The following ACSL5 variants were observed in gnomAD, a reference collection of about 807,000 sequenced individuals.
ACSL5 encodes acyl-CoA synthetase long chain family member 5, also known as long-chain-fatty-acid--CoA ligase 5.
In ACSL5, 50 loss-of-function variants were observed where a neutral mutation model predicts 84.9. The observed-to-expected ratio is 0.59, with a 90% CI of 0.47 to 0.75. The LOEUF is 0.75. Among genes scored for constraint, ACSL5 ranks in the 30% least tolerant of loss-of-function variants. ACSL5 has a pLI of 0.00. For missense variants in ACSL5, 775 were observed against 830.4 expected (o/e 0.93, Z 0.82); for synonymous variants, 280 against 300.7 (o/e 0.93, Z 0.71).
At chr10:112,386,342 C>T (rs566369404) in intron 1 of ACSL5, among the ~76,000 whole-genome samples, 1 of 151,688 alleles carries the variant, frequency 6.6e-6, no homozygotes, top group Non-Finnish European at 1.5e-5. Context: ...TATAAGCGCA[C>T]GCCACCATGC....
At chr10:112,397,375 G>T (rs1302542877) in intron 2 of ACSL5, among the ~76,000 whole-genome samples, 1 of 151,984 alleles carries the variant, frequency 6.6e-6, no homozygotes, top group Admixed American at 6.6e-5. Flanking sequence ...TCACCATGTT[G>T]GCCAGGTTGG....
intron 2 of ACSL5, 74 bp from the exon 3 acceptor site, chr10:112,398,827 A>T: frequency 7.9e-7 from 1 of 1,272,770 alleles, no homozygotes; most frequent in Non-Finnish European, 1.1e-6. Flanking sequence ...TGGTCTCTTT[A>T]ATTCAATTCA....
intron 1 of ACSL5, among the ~76,000 whole-genome samples, chr10:112,387,703 G>A (rs1489470278): frequency 1.3e-5 from 2 of 152,156 alleles, no homozygotes; most frequent in African/African-American, 4.8e-5. Flanking sequence ...ATGGAAGAAT[G>A]TGTTAACTAA....
Position 112,426,333 on chromosome 10 carries a change from T to A in ACSL5, c.1813T>A (p.Ser605Thr). 2 of 1,614,078 alleles carry A rather than the reference T, an allele frequency of 1.2e-6. No individual in the cohort carries two copies. The highest frequency in any genetic ancestry group is 1.7e-6 in the Non-Finnish European group (2 of 1,180,000). The change falls in exon 19 of 21, where the codon TCC becomes ACC. Residue 605 changes from serine to threonine, a missense_variant. By Grantham distance (58) the Ser-to-Thr change is moderately conservative. Coordinates refer to ENST00000354655, the MANE Select transcript of ACSL5 (RefSeq NM_203379.2). ...SFAAKLGVKGSFEELCQNQVV... is the reference protein window; with the variant it reads ...SFAAKLGVKGTFEELCQNQVV... ...TGCAGCCAAGCTTGGGGTGAAGGGC[T>A]CCTTTGAGGAACTGTGCCAAAACCA...
chr10:112,394,984 C>T lies in ACSL5; in HGVS notation c.38C>T (p.Pro13Leu), dbSNP rs762030671. The T allele has an allele frequency of 2.8e-5, 45 of 1,613,756 alleles. No homozygotes were observed. The highest frequency in any genetic ancestry group is 6.6e-5 in the South Asian group (6 of 91,068). ...TTTAACTTTTTGTTTTCCCCACTTC[C>T]GACCCCGGCGTTGATCTGCATCCTG... is the stretch of plus-strand genomic sequence containing the variant. ...FIFNFLFSPLPTPALICILTF... is the reference protein window; with the variant it reads ...FIFNFLFSPLLTPALICILTF... The change falls in exon 2 of 21, where the codon CCG (proline) becomes CTG (leucine). Residue 13 changes from proline to leucine, a missense_variant. Pro to Leu is a moderately conservative substitution (Grantham distance 98, BLOSUM62 -3). Coordinates refer to ENST00000354655, the MANE Select transcript of ACSL5 (RefSeq NM_203379.2).
chr10:112,404,416 C>T, intron 3 of ACSL5, 95 bp from the exon 4 acceptor site: 1 of 892,124 alleles, frequency 1.1e-6, no homozygotes, highest in Admixed American at 2.2e-5. Context: ...TTGGACTTAC[C>T]CTTTGTGTCT....
intron 5 of ACSL5, among the ~76,000 whole-genome samples, chr10:112,407,786 T>C (rs966904444): frequency 6.6e-6 from 1 of 152,096 alleles, no homozygotes; most frequent in Non-Finnish European, 1.5e-5. Context: ...TTTCATCAGT[T>C]TCCCACAAGC....
At chr10:112,374,399 A>T (rs41306862) in intron 1 of ACSL5, 130 bp downstream of exon 1, 1 of 152,212 alleles carries the variant, frequency 6.6e-6, no homozygotes, top group Non-Finnish European at 1.5e-5. Flanking sequence ...ATGAAATTAC[A>T]TTTAGTTGAA....
At chr10:112,388,825 G>A (rs1029305927) in intron 1 of ACSL5, among the ~76,000 whole-genome samples, 12 of 152,186 alleles carry the variant, frequency 7.9e-5, no homozygotes, top group African/African-American at 2.9e-4. Flanking sequence ...AGTGACATTT[G>A]AGGTGAGGCC....
At chr10:112,401,818 TTC>T (rs769908913) in intron 3 of ACSL5, among the ~76,000 whole-genome samples, 51 of 108,130 alleles carry the variant, frequency 4.7e-4, no homozygotes, top group Non-Finnish European at 8.6e-4. Flanking sequence ...CTTTCTTTCT[TTC>T]TTTCTTTCTT....
At position 112,409,598 on chromosome 10, in the gene ACSL5, G is replaced by T. The variant is rs757500602; in HGVS notation, c.624G>T (p.Val208=). ...VEKGFTPSLK[V]IILMDPFDDD... Reference sequence around the variant, plus strand: ...AAGGCTTCACCCCGAGCCTGAAGGTGATCATCCTTATGGACCCCTTTGATG... The same window carrying T: ...AAGGCTTCACCCCGAGCCTGAAGGTTATCATCCTTATGGACCCCTTTGATG... Residue 208 remains valine, a synonymous_variant, in exon 7 of 21, where the codon GTG becomes GTT. Transcript: ENST00000354655. The T allele has an allele frequency of 1.2e-6, 2 of 1,614,030 alleles. No individual in the cohort carries two copies. Among genetic ancestry groups the T allele is most frequent in the African/African-American group, 2.7e-5 (2 of 74,934 alleles).
At position 112,428,322 on chromosome 10, in the gene ACSL5, C is replaced by T. The variant is rs2133708030; in HGVS notation, c.*964C>T. ...CCTGCTCTACCTTACCCACAGATAA[C>T]ACATGTTGTTTCTACTTGTAAATGT... On this transcript the variant is annotated 3_prime_UTR_variant, in exon 21 of 21. Coordinates refer to ENST00000354655, the MANE Select transcript of ACSL5 (RefSeq NM_203379.2). 2.5e-6 allele frequency: 1 copy of T among 397,004 alleles called. No homozygotes were observed. Among genetic ancestry groups the T allele is most frequent in the South Asian group, 1.3e-4 (1 of 7,780 alleles). 24.6% of individuals were successfully genotyped at this position (397,004 alleles called of 1,614,324 possible).
chr10:112,405,155 A>G (rs776852837), intron 5 of ACSL5, among the ~76,000 whole-genome samples: 6 of 152,200 alleles, frequency 3.9e-5, no homozygotes, highest in Non-Finnish European at 8.8e-5. Context: ...ATTAGAACTG[A>G]AACTTGCAAT....
At chr10:112,384,268 C>A (rs753090096) in intron 1 of ACSL5, among the ~76,000 whole-genome samples, 9 of 151,746 alleles carry the variant, frequency 5.9e-5, no homozygotes, top group Non-Finnish European at 1.2e-4. Context: ...TTTTGTTGTT[C>A]CGTAGTCCTA....
chr10:112,411,647 C>T (rs1390890570), intron 10 of ACSL5, 118 bp downstream of exon 10: 9 of 987,564 alleles, frequency 9.1e-6, no homozygotes, highest in Non-Finnish European at 1.4e-5. Flanking sequence ...CACACACACA[C>T]GTTAAAGGCT....
intron 11 of ACSL5, among the ~76,000 whole-genome samples, chr10:112,412,899 A>G (rs1195664859): frequency 2.0e-5 from 3 of 152,080 alleles, no homozygotes; most frequent in Non-Finnish European, 4.4e-5. Context: ...GGGGGACCAC[A>G]CAGTCTCAAT....
intron 1 of ACSL5, 91 bp from the exon 2 acceptor site, chr10:112,394,809 CGTGTGTGTGTGTATGTGT>C: frequency 1.3e-6 from 2 of 1,504,236 alleles, no homozygotes; most frequent in East Asian, 4.6e-5. Context: ...GGCGTGCGCG[CGTGTGTGTGTGTATGTGT>C]GTGTGTGTGT....
chr10:112,404,142 C>G (rs1004381479), intron 3 of ACSL5, among the ~76,000 whole-genome samples: 3 of 152,144 alleles, frequency 2.0e-5, no homozygotes, highest in African/African-American at 7.2e-5. Context: ...TAGGGAAGTT[C>G]AATCCAAGAT....
At chr10:112,376,556 C>A in intron 1 of ACSL5, 1 of 1,486,742 alleles carries the variant, frequency 6.7e-7, no homozygotes, top group Non-Finnish European at 9.2e-7. Flanking sequence ...GACTTAGAAT[C>A]AAGGGCCGGC....
Sources: allele counts gnomAD v4.1 joint callset (sites outside exome capture counted in the v4.1 genomes callset), GRCh38; gene constraint gnomAD v4.1.1; transcripts MANE v1.5; gene names NCBI Gene and HGNC (gene_info 2026-07-23, HGNC 2026-07-21).